ATP8A1: variants seen among roughly 807,000 people sequenced by gnomAD.
ATP8A1 encodes the protein phospholipid-transporting ATPase IA.
Under a neutral mutation model 177.7 loss-of-function variants are expected in ATP8A1, and 90 were observed. The observed-to-expected ratio is 0.51, with a 90% CI of 0.43 to 0.60. ATP8A1 has a LOEUF of 0.60. ATP8A1 is among the 20% of genes least tolerant of loss of function. ATP8A1 has a pLI of 0.00. For missense variants in ATP8A1, 1,072 were observed against 1,392.8 expected (o/e 0.77, Z 3.67); for synonymous variants, 493 against 485.9 (o/e 1.01, Z -0.19).
In ATP8A1 at chr4:42,491,373, C is replaced by G. The variant is rs114357567; in HGVS notation, c.2152-5705G>C. Among the ~76,000 whole-genome samples, 863 of 152,076 alleles carry G rather than the reference C, an allele frequency of 5.7e-3. 2 individuals are homozygous for G. Among genetic ancestry groups the G allele is most frequent in the Non-Finnish European group, 9.9e-3 (672 of 67,992 alleles). Reference sequence around the variant, plus strand: ...TTTGAATCATTAAGATATAACCTTCCCAAACAGGTAATATGTTCATATAAT... The same window carrying G: ...TTTGAATCATTAAGATATAACCTTCGCAAACAGGTAATATGTTCATATAAT... On this transcript the variant is annotated intron_variant, in intron 24 of 36. Coordinates refer to ENST00000381668, the MANE Select transcript of ATP8A1 (RefSeq NM_006095.2).
At chr4:42,544,890 G>C (rs1454138528) in intron 19 of ATP8A1, among the ~76,000 whole-genome samples, 1 of 152,092 alleles carries the variant, frequency 6.6e-6, no homozygotes, top group Non-Finnish European at 1.5e-5. Context: ...GGCCTGGCAC[G>C]GTGGCTCATG....
rs1007794649 is a variant in ATP8A1 at position 42,409,434 on chromosome 4, G to T, written c.*3482C>A. 4.6e-5 allele frequency: 7 copies of T among 152,058 alleles called. No homozygotes were observed. The highest frequency in any genetic ancestry group is 1.9e-4 in the East Asian group (1 of 5,200). 9.4% of individuals were successfully genotyped at this position (152,058 alleles called of 1,614,324 possible). A position where few individuals can be genotyped will look rare whatever the true frequency, so the allele number is the denominator to read the frequency against. On this transcript the variant is annotated 3_prime_UTR_variant, in exon 37 of 37. Transcript: ENST00000381668. Reference sequence around the variant, plus strand: ...CTATGGTATCTTACGAGTCATTATAGAAATGTTCATCATTAAAAAGCATTT... The same window carrying T: ...CTATGGTATCTTACGAGTCATTATATAAATGTTCATCATTAAAAAGCATTT...
chr4:42,624,504 CACAT>C, intron 4 of ATP8A1, 28 bp downstream of exon 4: 1 of 1,186,634 alleles, frequency 8.4e-7, no homozygotes, highest in Non-Finnish European at 1.2e-6. Flanking sequence ...ATAACAAAGT[CACAT>C]ACAATTATGA....
intron 20 of ATP8A1, among the ~76,000 whole-genome samples, chr4:42,542,411 GAAGGTCTTA>G (rs1454045734): frequency 6.6e-6 from 1 of 151,932 alleles, no homozygotes; most frequent in African/African-American, 2.4e-5. Flanking sequence ...ATTTAAAGTG[GAAGGTCTTA>G]AAGGCTCTCT....
At chr4:42,609,876 C>G (rs1404811981) in intron 5 of ATP8A1, among the ~76,000 whole-genome samples, 1 of 152,132 alleles carries the variant, frequency 6.6e-6, no homozygotes, top group Non-Finnish European at 1.5e-5. Flanking sequence ...AGTTCCTCAC[C>G]CTGGTTTTCA....
intron 12 of ATP8A1, among the ~76,000 whole-genome samples, chr4:42,577,507 G>A (rs552617970): frequency 6.6e-6 from 1 of 151,950 alleles, no homozygotes; most frequent in East Asian, 1.9e-4. Flanking sequence ...GATTGAAAAA[G>A]AAAGAAACAT....
intron 6 of ATP8A1, among the ~76,000 whole-genome samples, chr4:42,599,011 TG>T (rs1190736834): frequency 1.3e-5 from 2 of 152,252 alleles, no homozygotes; most frequent in Non-Finnish European, 2.9e-5. Context: ...GCTATTATTA[TG>T]GGTAATCCTG....
intron 6 of ATP8A1, among the ~76,000 whole-genome samples, chr4:42,592,733 G>A (rs79316850): frequency 0.02 from 3,051 of 152,156 alleles, 46 homozygotes; most frequent in Non-Finnish European, 0.031. Context: ...TAGGCCATAT[G>A]GTATAGCAGA....
chr4:42,411,955 C>T lies in ATP8A1; in HGVS notation c.*961G>A, dbSNP rs1160483461. The T allele has an allele frequency of 6.6e-6, 1 of 152,172 alleles. No homozygotes were observed. Among genetic ancestry groups the T allele is most frequent in the Admixed American group, 6.6e-5 (1 of 15,266 alleles). 9.4% of individuals were successfully genotyped at this position (152,172 alleles called of 1,614,324 possible). A position where few individuals can be genotyped will look rare whatever the true frequency, so the allele number is the denominator to read the frequency against. ...TGACATGTTATTCCAAATATTGCAA[C>T]AGAAGCTTTGGAAATCCCACGTAAA... On this transcript the variant is annotated 3_prime_UTR_variant, in exon 37 of 37. Coordinates refer to ENST00000381668, the MANE Select transcript of ATP8A1 (RefSeq NM_006095.2).
rs969841391 is a variant in ATP8A1 at position 42,528,594 on chromosome 4, G to A, written c.1723-3747C>T. Among the ~76,000 whole-genome samples, 3 of 151,896 alleles carry A rather than the reference G, an allele frequency of 2.0e-5. No homozygotes were observed. In the East Asian group the frequency reaches 5.8e-4, roughly 29 times the overall value. ...TCCTGGTATCTGGTATGCAACCACC[G>A]ACTTGGCAAATTCCTTTTTCTCCAC... On this transcript the variant is annotated intron_variant, in intron 20 of 36. Transcript: ENST00000381668.
At chr4:42,565,320 A>C (rs1001904208) in intron 15 of ATP8A1, among the ~76,000 whole-genome samples, 2 of 152,236 alleles carry the variant, frequency 1.3e-5, no homozygotes, top group African/African-American at 4.8e-5. Flanking sequence ...ACTAACATTA[A>C]TTTGGATGTG....
intron 5 of ATP8A1, among the ~76,000 whole-genome samples, chr4:42,611,612 TC>T (rs1553916191): frequency 6.6e-6 from 1 of 152,100 alleles, no homozygotes; most frequent in Non-Finnish European, 1.5e-5. Flanking sequence ...ACTCCATCCA[TC>T]CTTTCCCAGG....
At chr4:42,600,332 A>G in intron 6 of ATP8A1, 146 bp downstream of exon 6, 1 of 474,476 alleles carries the variant, frequency 2.1e-6, no homozygotes, top group Non-Finnish European at 3.6e-6. Context: ...AATGTGACTG[A>G]AGATGCCATG....
chr4:42,489,137 A>C (rs147997753), intron 24 of ATP8A1, among the ~76,000 whole-genome samples: 2 of 152,328 alleles, frequency 1.3e-5, no homozygotes, highest in Non-Finnish European at 2.9e-5. Flanking sequence ...GGCATTGCTC[A>C]CTAAAAAGCC....
At chr4:42,564,110 G>A (rs572325596) in intron 15 of ATP8A1, among the ~76,000 whole-genome samples, 1 of 152,144 alleles carries the variant, frequency 6.6e-6, no homozygotes, top group African/African-American at 2.4e-5. Flanking sequence ...GCGGGGCGGG[G>A]AAAATTGAGG....
intron 8 of ATP8A1, among the ~76,000 whole-genome samples, 157 bp downstream of exon 8, chr4:42,588,103 T>G (rs1733809181): frequency 6.6e-6 from 1 of 152,248 alleles, no homozygotes; most frequent in Admixed American, 6.5e-5. Flanking sequence ...TCCATAATAC[T>G]TAACAATACC....
At chr4:42,554,543 T>TA (rs1209229933) in intron 16 of ATP8A1, among the ~76,000 whole-genome samples, 1 of 152,154 alleles carries the variant, frequency 6.6e-6, no homozygotes, top group Non-Finnish European at 1.5e-5. Context: ...AACATACTGA[T>TA]AGGGCCCCAC....
At chr4:42,439,225 A>T (rs1338091299) in intron 33 of ATP8A1, among the ~76,000 whole-genome samples, 1 of 152,174 alleles carries the variant, frequency 6.6e-6, no homozygotes, top group Non-Finnish European at 1.5e-5. Flanking sequence ...AGAGAGGCAT[A>T]CAAGAGAAAC....
chr4:42,544,154 A>T (rs554151349), intron 19 of ATP8A1, among the ~76,000 whole-genome samples, 168 bp from the exon 20 acceptor site: 1 of 152,150 alleles, frequency 6.6e-6, no homozygotes, highest in Non-Finnish European at 1.5e-5. Context: ...ACAGCTGGGC[A>T]CCTGTAAAAG....
Sources: gnomAD v4.1 joint callset for allele counts (sites outside exome capture counted in the v4.1 genomes callset) on GRCh38, gnomAD v4.1.1 for gene constraint, MANE v1.5 for transcripts, NCBI Gene and HGNC (gene_info 2026-07-23, HGNC 2026-07-21) for gene names.